The following TRIM2 variants were observed in gnomAD, a reference collection of about 807,000 sequenced individuals.
TRIM2 encodes the protein tripartite motif-containing protein 2.
TRIM2 carries 20 observed loss-of-function variants against 75.2 expected under a neutral mutation model. The observed-to-expected ratio is 0.27, with a 90% CI of 0.19 to 0.39. The LOEUF is 0.39. Ranked by LOEUF, TRIM2 falls within the 10% of genes least tolerant of loss-of-function variation. The pLI is 1.00. For synonymous variants in TRIM2, 373 were observed against 388.3 expected, an observed-to-expected ratio of 0.96 and a Z score of 0.46; for missense variants, 660 against 990.8, an observed-to-expected ratio of 0.67 and a Z score of 4.48.
intron 1 of TRIM2, among the ~76,000 whole-genome samples, chr4:153,189,544 C>T (rs1032398938): frequency 6.6e-6 from 1 of 152,116 alleles, no homozygotes; most frequent in African/African-American, 2.4e-5. Flanking sequence ...ATTATGGTGT[C>T]TGGGAAATTC....
intron 1 of TRIM2, among the ~76,000 whole-genome samples, chr4:153,169,077 CA>C (rs138961034): frequency 0.13 from 19,096 of 147,888 alleles, 1,338 homozygotes; most frequent in Admixed American, 0.23. Flanking sequence ...AGACTTATCT[CA>C]AAAAAAAAAG....
At chr4:153,170,146 AG>A (rs1730698238) in intron 1 of TRIM2, among the ~76,000 whole-genome samples, 2 of 152,132 alleles carry the variant, frequency 1.3e-5, no homozygotes, top group Non-Finnish European at 2.9e-5. Context: ...GAGGAGGAAG[AG>A]GGGGAAAAGG....
intron 1 of TRIM2, among the ~76,000 whole-genome samples, chr4:153,191,681 C>T (rs1191589162): frequency 1.3e-5 from 2 of 152,166 alleles, no homozygotes; most frequent in Non-Finnish European, 2.9e-5. Context: ...AGATTTCCTT[C>T]ATGATGATAT....
intron 1 of TRIM2, chr4:153,257,561 T>C (rs756730195): frequency 2.3e-6 from 3 of 1,289,822 alleles, no homozygotes; most frequent in East Asian, 5.5e-5. Context: ...ACATCACTAC[T>C]TAGAGCAGAA....
At chr4:153,240,846 A>G (rs1303022406) in intron 1 of TRIM2, among the ~76,000 whole-genome samples, 1 of 152,230 alleles carries the variant, frequency 6.6e-6, no homozygotes, top group Non-Finnish European at 1.5e-5. Flanking sequence ...TGGGAGGCCG[A>G]AGCAGGCGGA....
At chr4:153,278,925 T>A (rs1017268930) in intron 3 of TRIM2, among the ~76,000 whole-genome samples, 1 of 152,106 alleles carries the variant, frequency 6.6e-6, no homozygotes, top group Non-Finnish European at 1.5e-5. Context: ...ACAGCGGAGT[T>A]GAGGGTGGGA....
intron 1 of TRIM2, among the ~76,000 whole-genome samples, chr4:153,217,303 A>C (rs1050317521): frequency 3.3e-5 from 5 of 152,186 alleles, no homozygotes; most frequent in Non-Finnish European, 7.3e-5. Context: ...GCTGTCACTG[A>C]AATACAAAGT....
intron 2 of TRIM2, among the ~76,000 whole-genome samples, chr4:153,273,262 C>A (rs973995336): frequency 1.7e-5 from 2 of 116,052 alleles, no homozygotes; most frequent in African/African-American, 3.2e-5. Flanking sequence ...GAGCACCTTA[C>A]AGTCACTCTT....
rs748138429 is a variant in TRIM2 at position 153,295,374 on chromosome 4, A to G, written c.848A>G (p.Asn283Ser). Reference protein sequence around the residue: ...QGQESIKSCSNFTAQALNHGT... With the variant: ...QGQESIKSCSSFTAQALNHGT... ...CAGGAGAGCATTAAGAGCTGCAGCA[A>G]CTTCACAGCGCAGGCCCTCAACCAT... The change falls in exon 6 of 12, where the codon AAC becomes AGC. Residue 283 changes from asparagine (N) to serine (S), a missense_variant. This residue lies in a region of TRIM2 where 620 missense variants were observed against 891.0 expected (regional missense o/e 0.70). Transcript: ENST00000338700. This position sits in a 1 kb window ranked among gnomAD's most constrained non-coding sequence, Gnocchi z 7.2. 4 of 1,613,710 alleles carry G rather than the reference A, an allele frequency of 2.5e-6. No homozygotes were observed. The highest frequency in any genetic ancestry group is 1.1e-5 in the South Asian group (1 of 91,008).
At chr4:153,253,045 C>G (rs983451654) in intron 1 of TRIM2, among the ~76,000 whole-genome samples, 10 of 152,182 alleles carry the variant, frequency 6.6e-5, no homozygotes, top group African/African-American at 2.4e-4. Context: ...CAGTTTCTAG[C>G]AAGAATGCTG....
chr4:153,261,719 T>C (rs1221435756), intron 1 of TRIM2, among the ~76,000 whole-genome samples: 1 of 152,224 alleles, frequency 6.6e-6, no homozygotes, highest in Non-Finnish European at 1.5e-5. Context: ...TTCTCTGCCA[T>C]TCTTTCTTCC....
chr4:153,338,934 T>C lies in TRIM2; in HGVS notation c.*3968T>C. ...TCTCAATTCTATAGACTTTCAAGCC[T>C]ATGTATGAATATGAAGGGGTTTTTT... On this transcript the variant is annotated 3_prime_UTR_variant, in exon 12 of 12. Coordinates refer to ENST00000338700, the MANE Select transcript of TRIM2 (RefSeq NM_015271.5). The C allele has an allele frequency of 1.0e-6, 1 of 984,004 alleles. No individual in the cohort carries two copies. The highest frequency in any genetic ancestry group is 4.7e-5 in the South Asian group (1 of 21,180). The allele number at this position is 984,004 out of a possible 1,614,324, so 61.0% of individuals were successfully genotyped here.
intron 6 of TRIM2, chr4:153,308,294 C>G: frequency 6.5e-7 from 1 of 1,547,564 alleles, no homozygotes; most frequent in Non-Finnish European, 8.9e-7. Context: ...AAATAATGTC[C>G]TTCTCCAGAT....
intron 6 of TRIM2, among the ~76,000 whole-genome samples, chr4:153,297,369 C>T (rs904164834): frequency 6.6e-6 from 1 of 152,172 alleles, no homozygotes; most frequent in Non-Finnish European, 1.5e-5. Context: ...GGTTCAGCCA[C>T]TTACTTGAGC....
chr4:153,270,250 A>C, intron 1 of TRIM2, 85 bp from the exon 2 acceptor site: 1 of 1,492,446 alleles, frequency 6.7e-7, no homozygotes, highest in Non-Finnish European at 9.1e-7. Flanking sequence ...TACTTATAGC[A>C]CAATGCTTAT....
rs559986202 is a variant in TRIM2 at position 153,206,679 on chromosome 4, T to C, written c.30+2119T>C. The stretch of plus-strand genomic sequence containing the variant: ...ATTGAGTCAACCTCCTGCCCCTCTT[T>C]GCTCCCTGGAAACAGGGTCAGGGGG... On this transcript the variant is annotated intron_variant, in intron 1 of 11. Coordinates refer to ENST00000338700, the MANE Select transcript of TRIM2 (RefSeq NM_015271.5). Among the ~76,000 whole-genome samples the C allele has an allele frequency of 2.6e-5, 4 of 152,186 alleles. No individual in the cohort carries two copies. In the South Asian group the frequency reaches 8.3e-4, roughly 32 times the overall value.
At chr4:153,280,411 A>G (rs1240115392) in intron 3 of TRIM2, among the ~76,000 whole-genome samples, 3 of 98,738 alleles carry the variant, frequency 3.0e-5, no homozygotes, top group African/African-American at 1.3e-4. Flanking sequence ...GCTGGGTCTC[A>G]CTCTGTCACC....
intron 1 of TRIM2, among the ~76,000 whole-genome samples, chr4:153,261,552 A>C (rs2149988750): frequency 6.6e-6 from 1 of 152,352 alleles, no homozygotes; most frequent in African/African-American, 2.4e-5. Context: ...GATGATGTAT[A>C]ATCAAATATG....
chr4:153,293,616 G>T (rs1762242133), intron 4 of TRIM2, among the ~76,000 whole-genome samples: 1 of 152,188 alleles, frequency 6.6e-6, no homozygotes, highest in African/African-American at 2.4e-5. Context: ...AGAAATGAAA[G>T]AACAGAGTAG....
Sources: gnomAD v4.1 joint callset for allele counts (sites outside exome capture counted in the v4.1 genomes callset) on GRCh38, gnomAD v4.1.1 for gene constraint, gnomAD v4.1.1 regional missense constraint, Gnocchi (gnomAD v3.1) non-coding constraint, MANE v1.5 for transcripts, NCBI Gene and HGNC (gene_info 2026-07-23, HGNC 2026-07-21) for gene names.